XNDC1N: variants seen among roughly 807,000 people sequenced by gnomAD.
The protein encoded by XNDC1N is protein XNDC1N.
At chr11:71,898,991 AG>A in the XNDC1N span, among the ~76,000 whole-genome samples, 1 of 152,210 alleles carries the variant, frequency 6.6e-6, no homozygotes, top group African/African-American at 2.4e-5. Context: ...AAAAGAAAGA[AG>A]GGAAGAATAC....
the XNDC1N span, chr11:71,926,247 G>C: frequency 1.7e-4 from 26 of 152,280 alleles, no homozygotes; most frequent in African/African-American, 6.3e-4. Context: ...TCCAGCCTGG[G>C]AGACAGTGAA....
At chr11:71,901,634 C>A in the XNDC1N span, among the ~76,000 whole-genome samples, 25 of 151,918 alleles carry the variant, frequency 1.6e-4, no homozygotes, top group East Asian at 3.9e-4. Flanking sequence ...ACAAAAAAAA[C>A]CACAACTTTT....
chr11:71,872,628 T>A, the XNDC1N span, among the ~76,000 whole-genome samples: 1 of 152,020 alleles, frequency 6.6e-6, no homozygotes, highest in Non-Finnish European at 1.5e-5. Context: ...CTTGGGAGGT[T>A]GAGGCAGGAG....
the XNDC1N span, among the ~76,000 whole-genome samples, chr11:71,895,827 G>T: frequency 6.6e-6 from 1 of 152,096 alleles, no homozygotes; most frequent in Non-Finnish European, 1.5e-5. Flanking sequence ...AGAAACTGTG[G>T]TATACACACC....
At chr11:71,903,389 C>G in the XNDC1N span, 3 of 1,437,464 alleles carry the variant, frequency 2.1e-6, no homozygotes, top group Admixed American at 5.0e-5. Flanking sequence ...TCCAACCTGT[C>G]CTTGCCTGAC....
At chr11:71,913,035 C>T in the XNDC1N span, among the ~76,000 whole-genome samples, 8 of 152,162 alleles carry the variant, frequency 5.3e-5, no homozygotes, top group Admixed American at 4.6e-4. Flanking sequence ...ACATTCCCTG[C>T]GATATTCAAC....
chr11:71,887,635 T>C, the XNDC1N span, among the ~76,000 whole-genome samples: 1 of 152,140 alleles, frequency 6.6e-6, no homozygotes. Context: ...CCCTTCAAGG[T>C]ATCCAGGTCC....
At chr11:71,892,219 G>C in the XNDC1N span, among the ~76,000 whole-genome samples, 1 of 151,880 alleles carries the variant, frequency 6.6e-6, no homozygotes, top group African/African-American at 2.4e-5. Flanking sequence ...ACTCACTGTG[G>C]TATTAGGAGT....
At chr11:71,917,238 T>A in the XNDC1N span, 1 of 633,564 alleles carries the variant, frequency 1.6e-6, no homozygotes, top group African/African-American at 1.8e-5. Context: ...GGTCTCGAAC[T>A]CCTGACCTCA....
the XNDC1N span, among the ~76,000 whole-genome samples, chr11:71,889,523 T>C: frequency 6.6e-6 from 1 of 152,016 alleles, no homozygotes; most frequent in African/African-American, 2.4e-5. Flanking sequence ...GAAGGATGGA[T>C]TCGGTTAGCA....
the XNDC1N span, chr11:71,916,820 T>C: frequency 2.5e-5 from 4 of 157,464 alleles, no homozygotes; most frequent in African/African-American, 9.6e-5. Flanking sequence ...AGACAAATCC[T>C]TATGAGACTG....
At chr11:71,908,106 G>A in the XNDC1N span, among the ~76,000 whole-genome samples, 1 of 151,866 alleles carries the variant, frequency 6.6e-6, no homozygotes, top group Non-Finnish European at 1.5e-5. Flanking sequence ...ATAACAGGTG[G>A]GTATACACCC....
At chr11:71,905,283 A>AGGGTGTGATATTAG in the XNDC1N span, among the ~76,000 whole-genome samples, 1 of 152,052 alleles carries the variant, frequency 6.6e-6, no homozygotes, top group African/African-American at 2.4e-5. Flanking sequence ...ATGCTATCAC[A>AGGGTGTGATATTAG]GGGTGTGATA....
the XNDC1N span, chr11:71,918,755 G>C: frequency 1.6e-6 from 1 of 615,820 alleles, no homozygotes; most frequent in Non-Finnish European, 2.9e-6. Context: ...ATTTCCCTTT[G>C]ACACCCAGGT....
chr11:71,889,773 A>G, the XNDC1N span, among the ~76,000 whole-genome samples: 7 of 152,104 alleles, frequency 4.6e-5, no homozygotes, highest in Non-Finnish European at 7.4e-5. Context: ...CCCCCTTTGA[A>G]GGTCTCCAAG....
chr11:71,894,090 T>G, the XNDC1N span: 2 of 488,942 alleles, frequency 4.1e-6, no homozygotes, highest in Admixed American at 6.6e-5. Flanking sequence ...CTATGTTTGG[T>G]TTTCTTCCCA....
the XNDC1N span, among the ~76,000 whole-genome samples, chr11:71,886,439 TGAAA>T: frequency 6.6e-6 from 1 of 151,398 alleles, no homozygotes; most frequent in Non-Finnish European, 1.5e-5. Flanking sequence ...TGGACCCACA[TGAAA>T]GAGAGGATAT....
At chr11:71,917,787 A>G in the XNDC1N span, 1 of 703,144 alleles carries the variant, frequency 1.4e-6, no homozygotes, top group South Asian at 1.5e-5. Flanking sequence ...CTGGGGACAA[A>G]AGGTTGAGAG....
chr11:71,901,765 A>AC, the XNDC1N span, among the ~76,000 whole-genome samples: 2 of 152,016 alleles, frequency 1.3e-5, no homozygotes, highest in East Asian at 1.9e-4. Context: ...TCTGAGACTC[A>AC]CCACTCTCAT....
Sources: gnomAD v4.1 joint callset for allele counts (sites outside exome capture counted in the v4.1 genomes callset) on GRCh38, gnomAD v4.1.1 for gene constraint, MANE v1.5 for transcripts, NCBI Gene and HGNC (gene_info 2026-07-23, HGNC 2026-07-21) for gene names.